The following GSG1L variants were observed in gnomAD, a reference collection of about 807,000 sequenced individuals.
The protein encoded by GSG1L is GSG1 like.
GSG1L carries 24 observed loss-of-function variants against 42.1 expected under a neutral mutation model. That is an observed-to-expected ratio of 0.57 (90% CI 0.41 to 0.80). The LOEUF (loss-of-function observed/expected upper bound fraction) is 0.80. Ranked by LOEUF, GSG1L falls within the 30% of genes least tolerant of loss-of-function variation. The probability of loss-of-function intolerance (pLI) is 0.00; values close to 1 mark genes in which losing one functional copy is unlikely to be tolerated. For missense variants in GSG1L, 445 were observed against 472.2 expected (o/e 0.94, Z 0.53); for synonymous variants, 215 against 203.5 (o/e 1.06, Z -0.48).
intron 4 of GSG1L, 94 bp from the exon 5 acceptor site, chr16:27,829,050 G>A: frequency 1.6e-6 from 2 of 1,237,750 alleles, no homozygotes; most frequent in Non-Finnish European, 1.1e-6. Flanking sequence ...TCCCTGCATG[G>A]CTGCCTTTTC....
chr16:27,966,228 A>G (rs548030012), intron 1 of GSG1L, among the ~76,000 whole-genome samples: 27 of 152,284 alleles, frequency 1.8e-4, no homozygotes, highest in Admixed American at 1.4e-3. Flanking sequence ...GACACTCTCC[A>G]TCTTCCTTCT....
chr16:27,819,003 AC>A (rs1297603355), intron 5 of GSG1L, among the ~76,000 whole-genome samples: 1 of 152,168 alleles, frequency 6.6e-6, no homozygotes, highest in African/African-American at 2.4e-5. Context: ...TAATCCCAGC[AC>A]TTTGGGAGGC....
chr16:28,045,040 T>G (rs1006846757), intron 1 of GSG1L, among the ~76,000 whole-genome samples: 1 of 152,082 alleles, frequency 6.6e-6, no homozygotes, highest in African/African-American at 2.4e-5. Context: ...AAAGGATCAA[T>G]GGTTGCCAGG....
At chr16:27,814,238 A>G (rs749358681) in intron 5 of GSG1L, among the ~76,000 whole-genome samples, 1 of 152,122 alleles carries the variant, frequency 6.6e-6, no homozygotes, top group Non-Finnish European at 1.5e-5. Context: ...CAGCCTTCCA[A>G]GCAGCTGGGA....
chr16:28,062,696 C>A (rs2086356587), intron 1 of GSG1L, among the ~76,000 whole-genome samples: 1 of 152,222 alleles, frequency 6.6e-6, no homozygotes, highest in Non-Finnish European at 1.5e-5. Flanking sequence ...TAGTGCCCCG[C>A]GAAAGGAAGA....
intron 5 of GSG1L, among the ~76,000 whole-genome samples, chr16:27,810,850 G>A (rs57266068): frequency 0.17 from 26,524 of 151,986 alleles, 2,360 homozygotes; most frequent in African/African-American, 0.21. Context: ...ACCACACCTG[G>A]CTAATTTTGT....
intron 2 of GSG1L, among the ~76,000 whole-genome samples, chr16:27,912,695 C>T (rs1335233033): frequency 6.6e-6 from 1 of 152,202 alleles, no homozygotes; most frequent in Non-Finnish European, 1.5e-5. Context: ...ACCAATTTGT[C>T]CTTACCTAGT....
rs762591835 is a variant in GSG1L, at chr16:28,059,956, G to A, written c.349+3120C>T. ...TTATTACATTTCCCTGTGGCTGCCC[G>A]AGTGGGGAGAGGTTTTTCTGAGCCT... On this transcript the variant is annotated intron_variant, in intron 1 of 6. Transcript: ENST00000447459. This position sits in a 1 kb window ranked among gnomAD's most constrained non-coding sequence, Gnocchi z 4.4. Among the ~76,000 whole-genome samples the A allele has an allele frequency of 2.6e-5, 4 of 152,182 alleles. No homozygotes were observed. Among genetic ancestry groups the A allele is most frequent in the Non-Finnish European group, 5.9e-5 (4 of 68,038 alleles).
chr16:28,007,728 C>A (rs1389061667), intron 1 of GSG1L, among the ~76,000 whole-genome samples: 1 of 151,986 alleles, frequency 6.6e-6, no homozygotes, highest in Non-Finnish European at 1.5e-5. Flanking sequence ...GTTGCCCAGG[C>A]TGGTCTCAAA....
At chr16:27,821,934 A>T (rs1033041093) in intron 5 of GSG1L, among the ~76,000 whole-genome samples, 2 of 151,886 alleles carry the variant, frequency 1.3e-5, no homozygotes, top group Admixed American at 6.6e-5. Flanking sequence ...ATAAATAAAT[A>T]AGAATTTTGA....
At chr16:27,917,129 G>A (rs900518854) in intron 2 of GSG1L, among the ~76,000 whole-genome samples, 1 of 152,166 alleles carries the variant, frequency 6.6e-6, no homozygotes, top group Non-Finnish European at 1.5e-5. Flanking sequence ...TAAAGAAGCC[G>A]GTGGCCCAAT....
chr16:27,908,244 C>T (rs1048926226), intron 2 of GSG1L, among the ~76,000 whole-genome samples: 1 of 152,262 alleles, frequency 6.6e-6, no homozygotes, highest in African/African-American at 2.4e-5. Flanking sequence ...TGGCCTAGGT[C>T]AGCCAAACAG....
At chr16:27,916,295 T>A (rs2084454052) in intron 2 of GSG1L, among the ~76,000 whole-genome samples, 1 of 152,000 alleles carries the variant, frequency 6.6e-6, no homozygotes, top group Non-Finnish European at 1.5e-5. Flanking sequence ...TTAAACATGT[T>A]TTTCTTTCTA....
intron 1 of GSG1L, among the ~76,000 whole-genome samples, chr16:28,026,579 G>A (rs773423579): frequency 3.3e-5 from 5 of 152,172 alleles, no homozygotes; most frequent in Admixed American, 6.5e-5. Flanking sequence ...CAGGCTGGAC[G>A]CAGCTCAGCT....
chr16:27,819,538 G>T (rs145169954), intron 5 of GSG1L, among the ~76,000 whole-genome samples: 4 of 152,206 alleles, frequency 2.6e-5, no homozygotes, highest in African/African-American at 9.7e-5. Flanking sequence ...TACCTGAGGC[G>T]TGATGCTGCC....
intron 2 of GSG1L, among the ~76,000 whole-genome samples, chr16:27,911,528 G>A (rs921957700): frequency 2.0e-5 from 3 of 152,156 alleles, no homozygotes; most frequent in Non-Finnish European, 4.4e-5. Context: ...CTGACCTCAG[G>A]TGACCCTTCC....
intron 3 of GSG1L, among the ~76,000 whole-genome samples, chr16:27,873,676 G>C (rs996361786): frequency 6.6e-6 from 1 of 152,182 alleles, no homozygotes; most frequent in Non-Finnish European, 1.5e-5. Context: ...GGGGGATGGG[G>C]GCTTAGAATT....
chr16:28,023,132 A>G (rs571157618), intron 1 of GSG1L, among the ~76,000 whole-genome samples: 4 of 152,326 alleles, frequency 2.6e-5, no homozygotes, highest in Non-Finnish European at 4.4e-5. Flanking sequence ...GCTGGCCAGT[A>G]TACATAATTC....
intron 1 of GSG1L, among the ~76,000 whole-genome samples, chr16:28,033,125 G>T (rs188350975): frequency 2.0e-4 from 30 of 152,280 alleles, no homozygotes; most frequent in Admixed American, 2.0e-3. Flanking sequence ...CAGCCTCCAT[G>T]GAGTACTTCA....
Sources: allele counts gnomAD v4.1 joint callset (sites outside exome capture counted in the v4.1 genomes callset), GRCh38; gene constraint gnomAD v4.1.1; non-coding constraint Gnocchi (gnomAD v3.1); transcripts MANE v1.5; gene names NCBI Gene and HGNC (gene_info 2026-07-23, HGNC 2026-07-21).